Variants in PSMA6 observed in about 807,000 individuals in gnomAD.
PSMA6 encodes the protein proteasome subunit alpha type-6.
For missense variants in PSMA6, 170 were observed against 294.8 expected, an observed-to-expected ratio of 0.58 and a Z score of 3.10; for synonymous variants, 88 against 97.7, an observed-to-expected ratio of 0.90 and a Z score of 0.59.
At chr14:35,306,206 G>A (rs1030477779) in intron 1 of PSMA6, among the ~76,000 whole-genome samples, 2 of 151,874 alleles carry the variant, frequency 1.3e-5, no homozygotes, top group Non-Finnish European at 2.9e-5. Flanking sequence ...TCCAGCCTAG[G>A]CAACAGAGCA....
At position 35,312,334 on chromosome 14, in the gene PSMA6, G is replaced by A. The variant is rs149404838; in HGVS notation, c.410-547G>A. Among the ~76,000 whole-genome samples, 917 of 151,690 alleles carry A rather than the reference G, an allele frequency of 6.0e-3. 12 individuals are homozygous for A. The highest frequency in any genetic ancestry group is 0.021 in the African/African-American group (870 of 41,364). Reference sequence around the variant, plus strand: ...AGTCCTGGCTAACACGGCGAAACCCGGTCTCTACTAAAAACACAAAAAATT... The same window carrying A: ...AGTCCTGGCTAACACGGCGAAACCCAGTCTCTACTAAAAACACAAAAAATT... On this transcript the variant is annotated intron_variant, in intron 4 of 6. Transcript: ENST00000261479.
chr14:35,297,467 G>A (rs2051620641), intron 1 of PSMA6, among the ~76,000 whole-genome samples: 3 of 151,930 alleles, frequency 2.0e-5, no homozygotes, highest in South Asian at 2.1e-4. Context: ...CGCCTGCCTC[G>A]GCCTCCCAAA....
chr14:35,317,356 G>A lies in PSMA6; in HGVS notation c.*50G>A. The A allele has an allele frequency of 2.6e-6, 4 of 1,516,016 alleles. No homozygotes were observed. Among genetic ancestry groups the A allele is most frequent in the South Asian group, 1.1e-5 (1 of 88,478 alleles). The allele number at this position is 1,516,016 out of a possible 1,614,324, so 93.9% of individuals were successfully genotyped here. ...CGTGATGCCACTTACCTGTGTGTTT[G>A]GTAACAACAAACCAACATCATGGAG... On this transcript the variant is annotated 3_prime_UTR_variant, in exon 7 of 7. Transcript: ENST00000261479.
chr14:35,300,452 A>G (rs2051689970), intron 1 of PSMA6, among the ~76,000 whole-genome samples: 1 of 152,192 alleles, frequency 6.6e-6, no homozygotes, highest in Non-Finnish European at 1.5e-5. Context: ...AGCCTAGACA[A>G]CAGAGTGAGA....
chr14:35,296,557 C>T (rs894254601), intron 1 of PSMA6, among the ~76,000 whole-genome samples: 4 of 151,976 alleles, frequency 2.6e-5, no homozygotes, highest in African/African-American at 9.7e-5. Flanking sequence ...TCTTGAACTC[C>T]TGACCTCATG....
intron 6 of PSMA6, 169 bp downstream of exon 6, chr14:35,314,624 CTATT>C: frequency 1.2e-6 from 1 of 812,268 alleles, no homozygotes; most frequent in Non-Finnish European, 1.7e-6. Context: ...ACTTTGGACT[CTATT>C]TAAGAGTCAG....
upstream of PSMA6, chr14:35,292,350 T>A (rs371186129): frequency 1.3e-6 from 2 of 1,523,562 alleles, no homozygotes; most frequent in African/African-American, 1.4e-5. Flanking sequence ...GAGTTCGGCA[T>A]GCAAGAGCGG....
At chr14:35,308,833 T>G (rs1022642222) in intron 2 of PSMA6, 81 bp from the exon 3 acceptor site, 4 of 1,027,780 alleles carry the variant, frequency 3.9e-6, no homozygotes. Context: ...GCAGGGCAAA[T>G]TAAAAACATA....
rs74043871 is a variant in PSMA6 at position 35,281,496 on chromosome 14, G to T, written c.19+2778G>T. 5.5e-3 allele frequency among the ~76,000 whole-genome samples: 838 copies of T among 152,240 alleles called. 15 individuals carry two copies. The highest frequency in any genetic ancestry group is 0.02 in the African/African-American group (811 of 41,546). On this transcript the variant is annotated intron_variant, in intron 1 of 6. Coordinates refer to the PSMA6 transcript ENST00000540871. ...ACTCAAAATGCCAGTTCTGATTCAGGTCTGACATACCCCGTGATGCCAATG... is the reference window on the plus strand; with the variant it reads ...ACTCAAAATGCCAGTTCTGATTCAGTTCTGACATACCCCGTGATGCCAATG...
intron 2 of PSMA6, 41 bp from the exon 3 acceptor site, chr14:35,308,873 A>G (rs542371760): frequency 3.5e-6 from 5 of 1,421,800 alleles, no homozygotes; most frequent in East Asian, 4.6e-5. Context: ...AGAAACCTGT[A>G]TGTTTTTTAA....
intron 1 of PSMA6, among the ~76,000 whole-genome samples, chr14:35,294,383 T>C (rs922386283): frequency 6.6e-6 from 1 of 152,210 alleles, no homozygotes; most frequent in African/African-American, 2.4e-5. Context: ...CCCTCTGCTA[T>C]TCAGGGCATT....
chr14:35,285,355 C>CAAAA (rs3058486), intron 1 of PSMA6, among the ~76,000 whole-genome samples: 4,319 of 141,794 alleles, frequency 0.03, 99 homozygotes, highest in Non-Finnish European at 0.048. Context: ...AAACAAAAAA[C>CAAAA]AAAAAAAAAA....
At chr14:35,290,097 C>T (rs999016972), upstream of PSMA6, among the ~76,000 whole-genome samples, 3 of 151,928 alleles carry the variant, frequency 2.0e-5, no homozygotes, top group Non-Finnish European at 4.4e-5. Context: ...CTCTTTCAAA[C>T]GTGGGGTTTT....
At chr14:35,295,070 C>T (rs962851129) in intron 1 of PSMA6, among the ~76,000 whole-genome samples, 3 of 152,042 alleles carry the variant, frequency 2.0e-5, no homozygotes, top group Non-Finnish European at 4.4e-5. Context: ...AGGTGCAGTG[C>T]CTCACACCTG....
intron 1 of PSMA6, among the ~76,000 whole-genome samples, chr14:35,282,532 A>G (rs1010466777): frequency 2.6e-5 from 4 of 151,936 alleles, no homozygotes; most frequent in African/African-American, 9.7e-5. Context: ...AAGCGCTGGG[A>G]TTACAGGATG....
Position 35,292,423 on chromosome 14 carries a change from G to C in PSMA6, c.-54G>C, listed in dbSNP as rs1446864845. On this transcript the variant is annotated 5_prime_UTR_variant, in exon 1 of 7. Coordinates refer to ENST00000261479, the MANE Select transcript of PSMA6 (RefSeq NM_002791.3). ...ACTTCCGGGAGGTGCTTGTGTGCCT[G>C]GTGCGGGAGCTACGGGGCCCAGGGA... 2 of 1,581,158 alleles carry C rather than the reference G, an allele frequency of 1.3e-6. No individual in the cohort carries two copies. Among genetic ancestry groups the C allele is most frequent in the Admixed American group, 1.8e-5 (1 of 55,004 alleles).
chr14:35,285,405 C>T (rs1454511690), intron 1 of PSMA6, among the ~76,000 whole-genome samples: 2 of 151,346 alleles, frequency 1.3e-5, no homozygotes, highest in Non-Finnish European at 2.9e-5. Flanking sequence ...TAACTGGACT[C>T]TCAAGAACTG....
chr14:35,315,763 A>G (rs1232668902), intron 6 of PSMA6: 1 of 151,988 alleles, frequency 6.6e-6, no homozygotes, highest in Non-Finnish European at 1.5e-5. Context: ...TAAGGAACCT[A>G]CAATTAGTTC....
At chr14:35,278,717 A>T (rs750586546) in exon 1 of PSMA6, 1 of 1,534,364 alleles carries the variant, frequency 6.5e-7, no homozygotes, top group South Asian at 1.2e-5. Flanking sequence ...GTCTTCGGAG[A>T]GGTAAGTCCC....
Sources: gnomAD v4.1 joint callset for allele counts (sites outside exome capture counted in the v4.1 genomes callset) on GRCh38, gnomAD v4.1.1 for gene constraint, MANE v1.5 for transcripts, NCBI Gene and HGNC (gene_info 2026-07-23, HGNC 2026-07-21) for gene names.